Variants in RIN3 observed in about 807,000 individuals in gnomAD.
The protein encoded by RIN3 is Ras and Rab interactor 3, also known as RAB5 interacting protein 3.
RIN3 carries 54 observed loss-of-function variants against 76.3 expected under a neutral mutation model. That is an observed-to-expected ratio of 0.71 (90% confidence interval 0.57 to 0.89). The LOEUF (loss-of-function observed/expected upper bound fraction) is 0.89, where lower values mean the gene tolerates loss of function less well. RIN3 is among the 40% of genes least tolerant of loss of function. The probability of loss-of-function intolerance (pLI) is 0.00; values close to 1 mark genes in which losing one functional copy is unlikely to be tolerated. For missense variants in RIN3, 1,256 were observed against 1,322.1 expected, an observed-to-expected ratio of 0.95 and a Z score of 0.78; for synonymous variants, 576 against 564.0, an observed-to-expected ratio of 1.02 and a Z score of -0.30.
chr14:92,622,327 G>T (rs1237706113), intron 4 of RIN3, among the ~76,000 whole-genome samples: 1 of 152,186 alleles, frequency 6.6e-6, no homozygotes, highest in East Asian at 1.9e-4. Context: ...GCACCACTTT[G>T]CATGTGTTCC....
intron 2 of RIN3, among the ~76,000 whole-genome samples, chr14:92,557,898 G>A (rs2140037404): frequency 6.6e-6 from 1 of 152,348 alleles, no homozygotes; most frequent in Middle Eastern, 3.4e-3. Context: ...CCATGTTCTG[G>A]ATTTTTCTTG....
In RIN3 at chr14:92,648,884, A is replaced by C. The variant is rs1887297623; in HGVS notation, c.533-2698A>C. The stretch of plus-strand genomic sequence containing the variant: ...TTGACCTGAGCCCTGAAGGATGAGT[A>C]AGCATTTGCCAGGTGGAGAGGGTGG... On this transcript the variant is annotated intron_variant, in intron 5 of 9. Transcript: ENST00000216487. This position sits in a 1 kb window ranked among gnomAD's most constrained non-coding sequence, Gnocchi z 4.1. Among the ~76,000 whole-genome samples the C allele has an allele frequency of 6.6e-6, 1 of 152,208 alleles. No individual in the cohort carries two copies. The highest frequency in any genetic ancestry group is 2.1e-4 in the South Asian group (1 of 4,832).
chr14:92,644,028 G>A (rs1887108154), intron 5 of RIN3, among the ~76,000 whole-genome samples: 1 of 152,060 alleles, frequency 6.6e-6, no homozygotes, highest in Non-Finnish European at 1.5e-5. Flanking sequence ...GTCCTCAGCG[G>A]TTCTTGAGCA....
Position 92,610,774 on chromosome 14 carries a change from A to G in RIN3, c.368-4633A>G, listed in dbSNP as rs557189923. 3.3e-5 allele frequency among the ~76,000 whole-genome samples: 5 copies of G among 152,188 alleles called. No homozygotes were observed. In the East Asian group the frequency reaches 9.6e-4, roughly 29 times the overall value. On this transcript the variant is annotated intron_variant, in intron 3 of 9. Coordinates refer to ENST00000216487, the MANE Select transcript of RIN3 (RefSeq NM_024832.5). Reference sequence around the variant, plus strand: ...TGTAGGAACAGGAGATAGGGAAGAAAATGCCCAGCCAACAGACAGGATTTC... The same window carrying G: ...TGTAGGAACAGGAGATAGGGAAGAAGATGCCCAGCCAACAGACAGGATTTC...
At chr14:92,537,278 C>T (rs897675022) in intron 1 of RIN3, among the ~76,000 whole-genome samples, 13 of 152,046 alleles carry the variant, frequency 8.6e-5, no homozygotes, top group African/African-American at 2.4e-4. Context: ...TGCTTTTGTC[C>T]TTCAGCCACC....
intron 4 of RIN3, among the ~76,000 whole-genome samples, chr14:92,630,217 G>A (rs1016705540): frequency 6.6e-6 from 1 of 152,196 alleles, no homozygotes; most frequent in African/African-American, 2.4e-5. Context: ...CCGACCCAGC[G>A]CAGTGGCTCA....
At position 92,621,755 on chromosome 14, in the gene RIN3, G is replaced by A. The variant is rs149187226; in HGVS notation, c.440+6276G>A. On this transcript the variant is annotated intron_variant, in intron 4 of 9. Transcript: ENST00000216487. ...TATTGAGACCCTTTAAAAGGTGCTA[G>A]ACTTTCTGCCAGTTTTGGTAGACAA... is the stretch of plus-strand genomic sequence containing the variant. Among the ~76,000 whole-genome samples the A allele has an allele frequency of 4.8e-3, 724 of 152,346 alleles. 10 individuals carry two copies. The highest frequency in any genetic ancestry group is 0.015 in the South Asian group (72 of 4,826).
At chr14:92,636,511 G>C (rs1378954119) in intron 4 of RIN3, among the ~76,000 whole-genome samples, 1 of 152,212 alleles carries the variant, frequency 6.6e-6, no homozygotes, top group Non-Finnish European at 1.5e-5. Flanking sequence ...TTGGACCTGG[G>C]AGGTGGAGGT....
At chr14:92,678,182 T>C (rs1406331186) in intron 8 of RIN3, among the ~76,000 whole-genome samples, 23 of 110,122 alleles carry the variant, frequency 2.1e-4, no homozygotes, top group Admixed American at 3.5e-4. Flanking sequence ...ACCCACCCAT[T>C]CACCCATCCA....
In RIN3 at chr14:92,676,506, T is replaced by C. The variant is rs1244817122; in HGVS notation, c.2367T>C (p.Pro789=). The C allele has an allele frequency of 1.2e-6, 2 of 1,614,156 alleles. No individual in the cohort carries two copies. Among genetic ancestry groups the C allele is most frequent in the Non-Finnish European group, 1.7e-6 (2 of 1,180,004 alleles). ...CCTATGGGGCGGATGACTTCCTGCC[T>C]GTGCTCATGTATGTGCTGGCCCGCA... ...GKPYGADDFL[P]VLMYVLARSN... Residue 789 remains proline (P), a synonymous_variant, in exon 8 of 10, where the codon CCT becomes CCC. Transcript: ENST00000216487.
At chr14:92,534,159 T>G (rs774532589) in intron 1 of RIN3, among the ~76,000 whole-genome samples, 1 of 151,928 alleles carries the variant, frequency 6.6e-6, no homozygotes, top group Non-Finnish European at 1.5e-5. Context: ...AATGATTATA[T>G]CTGATCTGCC....
intron 3 of RIN3, among the ~76,000 whole-genome samples, chr14:92,587,311 G>C (rs1884811052): frequency 1.3e-5 from 2 of 152,212 alleles, no homozygotes; most frequent in Non-Finnish European, 2.9e-5. Context: ...AACTGGGACT[G>C]GGGAGCTAAG....
chr14:92,677,667 T>C (rs1233524920), intron 8 of RIN3, among the ~76,000 whole-genome samples: 1 of 152,088 alleles, frequency 6.6e-6, no homozygotes, highest in Non-Finnish European at 1.5e-5. Context: ...CAAGTTGTCT[T>C]CTAGGAAGTC....
chr14:92,683,166 T>C (rs1888728495), intron 8 of RIN3, among the ~76,000 whole-genome samples: 1 of 143,654 alleles, frequency 7.0e-6, no homozygotes, highest in Admixed American at 7.0e-5. Flanking sequence ...AAACTCCATC[T>C]AAAAAAAAAA....
At chr14:92,544,779 A>G (rs12434555) in intron 1 of RIN3, among the ~76,000 whole-genome samples, 79,300 of 151,820 alleles carry the variant, frequency 0.52, 21,249 homozygotes, top group Middle Eastern at 0.64. Context: ...CTATGCACCC[A>G]TAATTCAGCT....
chr14:92,589,128 G>A (rs1884890556), intron 3 of RIN3, among the ~76,000 whole-genome samples: 1 of 152,138 alleles, frequency 6.6e-6, no homozygotes, highest in African/African-American at 2.4e-5. Flanking sequence ...CCTGTTCAGA[G>A]TGATTTCTCC....
In RIN3 at chr14:92,643,952, A is replaced by C. The variant is rs1887105869; in HGVS notation, c.532+2623A>C. Among the ~76,000 whole-genome samples, 1 of 152,068 alleles carries C rather than the reference A, an allele frequency of 6.6e-6. No homozygotes were observed. Among genetic ancestry groups the C allele is most frequent in the Non-Finnish European group, 1.5e-5 (1 of 67,994 alleles). ...CAAAAAAAAAAAAAATTAGAAGATC[A>C]AGTTTTAGCTCCGCTGGGAACCTTG... On this transcript the variant is annotated intron_variant, in intron 5 of 9. Transcript: ENST00000216487. This position sits in a 1 kb window ranked among gnomAD's most constrained non-coding sequence, Gnocchi z 4.8.
In RIN3 at chr14:92,627,494, G is replaced by A. The variant is rs768082289; in HGVS notation, c.440+12015G>A. 2.6e-4 allele frequency among the ~76,000 whole-genome samples: 39 copies of A among 152,274 alleles called. 1 individual carries two copies. The highest frequency in any genetic ancestry group is 9.7e-4 in the East Asian group (5 of 5,176). ...TATCACCATTCACACAAGCAGCACCGCAAGCAGTGGTGCCTATGATCATTC... is the reference window on the plus strand; with the variant it reads ...TATCACCATTCACACAAGCAGCACCACAAGCAGTGGTGCCTATGATCATTC... On this transcript the variant is annotated intron_variant, in intron 4 of 9. Transcript: ENST00000216487.
At chr14:92,546,430 G>A (rs989430273) in intron 1 of RIN3, among the ~76,000 whole-genome samples, 1 of 152,132 alleles carries the variant, frequency 6.6e-6, no homozygotes, top group African/African-American at 2.4e-5. Flanking sequence ...GTTTACTATA[G>A]CCACTCCACT....
Sources: gnomAD v4.1 joint callset for allele counts (sites outside exome capture counted in the v4.1 genomes callset) on GRCh38, gnomAD v4.1.1 for gene constraint, Gnocchi (gnomAD v3.1) non-coding constraint, MANE v1.5 for transcripts, NCBI Gene and HGNC (gene_info 2026-07-23, HGNC 2026-07-21) for gene names.